NRXN3: variants seen among roughly 807,000 people sequenced by gnomAD.
The protein encoded by NRXN3 is neurexin III.
Under a neutral mutation model 137.6 loss-of-function variants are expected in NRXN3, and 32 were observed. That is an observed-to-expected ratio of 0.23 (90% CI 0.18 to 0.31). The LOEUF (loss-of-function observed/expected upper bound fraction) is 0.31. Among genes scored for constraint, NRXN3 ranks in the 10% least tolerant of loss-of-function variants. NRXN3 has a pLI of 1.00. For synonymous variants in NRXN3, 798 were observed against 784.5 expected, an observed-to-expected ratio of 1.02 and a Z score of -0.29; for missense variants, 1,574 against 2,062.5, an observed-to-expected ratio of 0.76 and a Z score of 4.59.
At chr14:78,858,502 G>C (rs1407170049) in intron 10 of NRXN3, among the ~76,000 whole-genome samples, 1 of 152,114 alleles carries the variant, frequency 6.6e-6, no homozygotes, top group Non-Finnish European at 1.5e-5. Context: ...TAGGGAGGAG[G>C]AATCTCAATA....
intron 16 of NRXN3, among the ~76,000 whole-genome samples, chr14:79,539,680 T>C (rs561046688): frequency 6.4e-4 from 98 of 152,292 alleles, no homozygotes; most frequent in African/African-American, 2.4e-3. Flanking sequence ...ATGGATAACA[T>C]AATCCTGAGT....
At chr14:78,406,853 A>G (rs1015927070) in intron 4 of NRXN3, among the ~76,000 whole-genome samples, 2 of 152,150 alleles carry the variant, frequency 1.3e-5, no homozygotes, top group African/African-American at 2.4e-5. Flanking sequence ...GTAGGGTCAG[A>G]TCATGTCAGT....
At chr14:79,263,618 G>A (rs2077975792) in intron 15 of NRXN3, among the ~76,000 whole-genome samples, 1 of 152,050 alleles carries the variant, frequency 6.6e-6, no homozygotes. Flanking sequence ...GGTAATAAAT[G>A]GCTCTTAATG....
chr14:79,275,733 G>A (rs556827422), intron 15 of NRXN3, among the ~76,000 whole-genome samples: 4 of 148,080 alleles, frequency 2.7e-5, no homozygotes, highest in South Asian at 2.1e-4. Flanking sequence ...GGTGAGGATG[G>A]GGGGGGGGAC....
rs1280415209 is a variant in NRXN3 at position 79,867,191 on chromosome 14, C to T, written c.*5227C>T. On this transcript the variant is annotated 3_prime_UTR_variant, in exon 21 of 21. Transcript: ENST00000335750. Reference sequence around the variant, plus strand: ...GTCTTGTGGTTCCAAATTTAGAGCTCTTTCATAAACCTGTCTCTAGAGAAG... The same window carrying T: ...GTCTTGTGGTTCCAAATTTAGAGCTTTTTCATAAACCTGTCTCTAGAGAAG... The T allele has an allele frequency of 2.0e-5, 3 of 152,146 alleles. No individual in the cohort carries two copies. Among genetic ancestry groups the T allele is most frequent in the Non-Finnish European group, 4.4e-5 (3 of 68,040 alleles). 9.4% of individuals were successfully genotyped at this position (152,146 alleles called of 1,614,324 possible).
intron 4 of NRXN3, among the ~76,000 whole-genome samples, chr14:78,637,769 C>T (rs1367562992): frequency 6.6e-6 from 1 of 152,210 alleles, no homozygotes; most frequent in Non-Finnish European, 1.5e-5. Context: ...CAGGGCCTGG[C>T]ACATAGCAGG....
intron 4 of NRXN3, among the ~76,000 whole-genome samples, chr14:78,363,898 T>C (rs1437701239): frequency 6.6e-6 from 1 of 152,262 alleles, no homozygotes; most frequent in Non-Finnish European, 1.5e-5. Context: ...TCTCAAATTC[T>C]TGTGAAGATT....
At chr14:79,546,001 G>A (rs184363692) in intron 16 of NRXN3, among the ~76,000 whole-genome samples, 1 of 152,108 alleles carries the variant, frequency 6.6e-6, no homozygotes, top group African/African-American at 2.4e-5. Flanking sequence ...GTCTCATGAG[G>A]TCTGATGGTT....
intron 10 of NRXN3, among the ~76,000 whole-genome samples, chr14:78,827,268 A>T (rs970816730): frequency 3.4e-5 from 2 of 58,324 alleles, no homozygotes; most frequent in African/African-American, 6.5e-5. Flanking sequence ...AACTGAGAGG[A>T]CCGAAAAAAA....
intron 18 of NRXN3, among the ~76,000 whole-genome samples, chr14:79,693,812 G>A (rs2154026781): frequency 1.3e-5 from 2 of 151,870 alleles, no homozygotes; most frequent in East Asian, 3.9e-4. Context: ...GACTGGGGAA[G>A]ATATCCTAGT....
chr14:78,830,236 T>A (rs867773611), intron 10 of NRXN3, among the ~76,000 whole-genome samples: 23 of 152,258 alleles, frequency 1.5e-4, no homozygotes, highest in African/African-American at 4.8e-4. Context: ...ATATCTAAGT[T>A]ACTCGTAGCA....
intron 1 of NRXN3, among the ~76,000 whole-genome samples, chr14:78,197,371 G>C (rs2061326996): frequency 6.6e-6 from 1 of 152,168 alleles, no homozygotes; most frequent in Non-Finnish European, 1.5e-5. Context: ...TCCCAGTTCT[G>C]TAAGGCTGCA....
chr14:79,439,301 G>A (rs2095893793), intron 15 of NRXN3, among the ~76,000 whole-genome samples: 1 of 152,190 alleles, frequency 6.6e-6, no homozygotes, highest in Admixed American at 6.5e-5. Context: ...AAATTTTGAG[G>A]TTTAAGTAGA....
At chr14:79,155,686 A>C (rs1269515015) in intron 15 of NRXN3, among the ~76,000 whole-genome samples, 2 of 151,866 alleles carry the variant, frequency 1.3e-5, no homozygotes, top group Admixed American at 1.3e-4. Flanking sequence ...AAAGACAAGA[A>C]TTAGTCCTCA....
intron 16 of NRXN3, among the ~76,000 whole-genome samples, chr14:79,594,326 C>T (rs1235311652): frequency 1.3e-5 from 2 of 152,218 alleles, no homozygotes; most frequent in South Asian, 4.1e-4. Context: ...CATCTTTCCC[C>T]TGCTCTGATA....
chr14:79,220,626 G>C (rs76429746), intron 15 of NRXN3, among the ~76,000 whole-genome samples: 6 of 151,966 alleles, frequency 3.9e-5, no homozygotes, highest in Admixed American at 2.0e-4. Context: ...TCTTTTTACT[G>C]TCCCCATAGT....
At chr14:78,500,164 T>C (rs2095855847) in intron 4 of NRXN3, among the ~76,000 whole-genome samples, 1 of 152,160 alleles carries the variant, frequency 6.6e-6, no homozygotes, top group African/African-American at 2.4e-5. Flanking sequence ...ATTCAATTTA[T>C]TAGAACAGGT....
intron 4 of NRXN3, among the ~76,000 whole-genome samples, chr14:78,644,885 C>T (rs556009461): frequency 9.8e-5 from 15 of 152,326 alleles, no homozygotes; most frequent in African/African-American, 3.6e-4. Context: ...CTCTTTTGCA[C>T]CATCTTGTTT....
chr14:79,486,962 C>CTCTCTCTCCCA (rs2096662889), intron 16 of NRXN3, among the ~76,000 whole-genome samples: 1 of 124,054 alleles, frequency 8.1e-6, no homozygotes, highest in African/African-American at 3.6e-5. Flanking sequence ...TCTCTCTCTC[C>CTCTCTCTCCCA]CACACACACA....
Sources: allele counts gnomAD v4.1 joint callset (sites outside exome capture counted in the v4.1 genomes callset), GRCh38; gene constraint gnomAD v4.1.1; transcripts MANE v1.5; gene names NCBI Gene and HGNC (gene_info 2026-07-23, HGNC 2026-07-21).